Variants in PCDHA7 observed in about 807,000 individuals in gnomAD.
PCDHA7 encodes protocadherin alpha 7.
PCDHA7 carries 37 observed loss-of-function variants against 57.2 expected under a neutral mutation model. That is an observed-to-expected ratio of 0.65 (90% CI 0.50 to 0.85). The LOEUF (loss-of-function observed/expected upper bound fraction) is 0.85. Among genes scored for constraint, PCDHA7 ranks in the 40% least tolerant of loss-of-function variants. The pLI is 0.00. For missense variants in PCDHA7, 1,188 were observed against 1,241.8 expected, an observed-to-expected ratio of 0.96 and a Z score of 0.65; for synonymous variants, 553 against 558.8, an observed-to-expected ratio of 0.99 and a Z score of 0.15.
chr5:140,961,915 G>T (rs1393178053), intron 1 of PCDHA7, among the ~76,000 whole-genome samples: 4 of 146,912 alleles, frequency 2.7e-5, no homozygotes, highest in Non-Finnish European at 4.5e-5. Context: ...ATGGAGTCTC[G>T]CTCTGTTGCC....
At chr5:140,917,332 G>GC (rs1293292013) in intron 1 of PCDHA7, among the ~76,000 whole-genome samples, 1 of 145,540 alleles carries the variant, frequency 6.9e-6, no homozygotes, top group Non-Finnish European at 1.5e-5. Flanking sequence ...GGCGGGGGAG[G>GC]GGGGGGATGG....
intron 1 of PCDHA7, among the ~76,000 whole-genome samples, chr5:140,955,031 A>C (rs782110698): frequency 6.6e-6 from 1 of 152,166 alleles, no homozygotes; most frequent in Non-Finnish European, 1.5e-5. Flanking sequence ...TAAATAGGGA[A>C]TCTTTTCCTC....
intron 1 of PCDHA7, among the ~76,000 whole-genome samples, chr5:140,946,403 CATAGAA>C (rs1425933072): frequency 1.3e-5 from 2 of 151,512 alleles, no homozygotes; most frequent in African/African-American, 2.4e-5. Flanking sequence ...TTAGTACAAT[CATAGAA>C]AACAATATGG....
At chr5:140,848,250 C>A in intron 1 of PCDHA7, 1 of 460,454 alleles carries the variant, frequency 2.2e-6, no homozygotes, top group Non-Finnish European at 3.8e-6. Context: ...TGCAGAATAA[C>A]TGTGAAATTT....
intron 1 of PCDHA7, chr5:140,926,980 A>C: frequency 3.1e-6 from 5 of 1,610,364 alleles, no homozygotes; most frequent in Non-Finnish European, 4.2e-6. Flanking sequence ...GCCGGAGGAG[A>C]CGGAGCGGGG....
chr5:140,864,875 T>G (rs1554159183), intron 1 of PCDHA7: 1 of 152,186 alleles, frequency 6.6e-6, no homozygotes, highest in Non-Finnish European at 1.5e-5. Context: ...TACCATTGTC[T>G]GTGTTCATTA....
Position 140,943,601 on chromosome 5 carries a change from T to C in PCDHA7, c.2356-35348T>C, listed in dbSNP as rs148231077. ...TCTGAGTGGGGCTGAATTCTAAATA[T>C]AGACTTTGATTCATCTGCATAAGGA... On this transcript the variant is annotated intron_variant, in intron 1 of 3. Coordinates refer to ENST00000525929, the MANE Select transcript of PCDHA7 (RefSeq NM_018910.3). Among the ~76,000 whole-genome samples the C allele has an allele frequency of 1.9e-3, 291 of 152,290 alleles. 2 individuals carry two copies. The highest frequency in any genetic ancestry group is 6.6e-3 in the African/African-American group (276 of 41,566).
chr5:140,926,170 C>T lies in PCDHA7; in HGVS notation c.2356-52779C>T, dbSNP rs558750358. 2.6e-5 allele frequency among the ~76,000 whole-genome samples: 4 copies of T among 151,860 alleles called. No homozygotes were observed. In the South Asian group the frequency reaches 6.6e-4, roughly 25 times the overall value. On this transcript the variant is annotated intron_variant, in intron 1 of 3. Coordinates refer to ENST00000525929, the MANE Select transcript of PCDHA7 (RefSeq NM_018910.3). ...CGGAAAGCTCTGCAGCAGGATCCAG[C>T]GCGGAAAGCCCCCCGCAGCACTTCT...
At chr5:140,979,243 C>T (rs1554240401) in intron 2 of PCDHA7, among the ~76,000 whole-genome samples, 1 of 152,178 alleles carries the variant, frequency 6.6e-6, no homozygotes, top group Non-Finnish European at 1.5e-5. Context: ...CAGAAACAGG[C>T]TGCTATGTAT....
At position 140,849,443 on chromosome 5, in the gene PCDHA7, C is replaced by G. The variant is rs2150437584; in HGVS notation, c.2355+12705C>G. On this transcript the variant is annotated intron_variant, in intron 1 of 3. Coordinates refer to ENST00000525929, the MANE Select transcript of PCDHA7 (RefSeq NM_018910.3). ...TGGATTTTGAAGAAAGTAGAGCACA[C>G]AAGATCCCAGTCGAGGCTGTCGATA... 1.9e-6 allele frequency: 3 copies of G among 1,584,788 alleles called. 1 individual carries two copies. The highest frequency in any genetic ancestry group is 8.6e-7 in the Non-Finnish European group (1 of 1,160,072).
At chr5:140,879,854 C>G (rs2058149387) in intron 1 of PCDHA7, among the ~76,000 whole-genome samples, 1 of 152,200 alleles carries the variant, frequency 6.6e-6, no homozygotes, top group African/African-American at 2.4e-5. Context: ...CCCATCTCAG[C>G]CTTCTCAGCT....
intron 1 of PCDHA7, among the ~76,000 whole-genome samples, chr5:140,965,185 C>T (rs1348990210): frequency 6.6e-6 from 1 of 152,138 alleles, no homozygotes; most frequent in Non-Finnish European, 1.5e-5. Flanking sequence ...TTTTTTTGCA[C>T]ATGAGGCAAT....
At chr5:140,861,470 G>A (rs1554154806) in intron 1 of PCDHA7, 1 of 492,724 alleles carries the variant, frequency 2.0e-6, no homozygotes, top group Non-Finnish European at 4.2e-6. Context: ...TAAATCTGCA[G>A]AATGGCATTT....
intron 3 of PCDHA7, among the ~76,000 whole-genome samples, chr5:141,005,659 G>T (rs963015988): frequency 1.6e-5 from 2 of 123,890 alleles, no homozygotes; most frequent in South Asian, 2.6e-4. Flanking sequence ...TCGAGATCGC[G>T]CCACTGCACT....
At chr5:140,979,318 T>C (rs2096844474) in intron 2 of PCDHA7, among the ~76,000 whole-genome samples, 1 of 152,196 alleles carries the variant, frequency 6.6e-6, no homozygotes, top group Non-Finnish European at 1.5e-5. Context: ...CTACCTATGC[T>C]TTCTTTTCCT....
intron 1 of PCDHA7, chr5:140,857,485 G>T (rs1554150101): frequency 6.3e-7 from 1 of 1,598,484 alleles, no homozygotes; most frequent in Admixed American, 1.7e-5. Context: ...TGTCTGCGTG[G>T]GACGCGGACG....
At chr5:140,976,148 C>T (rs1563445972) in intron 1 of PCDHA7, among the ~76,000 whole-genome samples, 1 of 152,160 alleles carries the variant, frequency 6.6e-6, no homozygotes, top group Non-Finnish European at 1.5e-5. Flanking sequence ...AACTCATGTA[C>T]ATTTTACTAC....
At chr5:140,871,523 G>T in intron 1 of PCDHA7, 1 of 1,546,536 alleles carries the variant, frequency 6.5e-7, no homozygotes, top group Non-Finnish European at 8.7e-7. Context: ...CCACCTATCA[G>T]GAAGTGTATG....
intron 1 of PCDHA7, chr5:140,850,691 C>A: frequency 1.3e-6 from 2 of 1,598,334 alleles, no homozygotes; most frequent in Non-Finnish European, 1.7e-6. Context: ...AGGGCGAGTG[C>A]GCGCCTGGCA....
Sources: gnomAD v4.1 joint callset for allele counts (sites outside exome capture counted in the v4.1 genomes callset) on GRCh38, gnomAD v4.1.1 for gene constraint, MANE v1.5 for transcripts, NCBI Gene and HGNC (gene_info 2026-07-23, HGNC 2026-07-21) for gene names.